Variants in DGKB observed in about 807,000 individuals in gnomAD.
DGKB encodes the protein 90 kDa diacylglycerol kinase.
DGKB carries 67 observed loss-of-function variants against 114.3 expected under a neutral mutation model. The observed-to-expected ratio is 0.59, with a 90% CI of 0.48 to 0.72. The LOEUF (loss-of-function observed/expected upper bound fraction) is 0.72, where lower values mean the gene tolerates loss of function less well. Ranked by LOEUF, DGKB falls within the 30% of genes least tolerant of loss-of-function variation. DGKB has a pLI of 0.00. For missense variants in DGKB, 907 were observed against 975.2 expected, an observed-to-expected ratio of 0.93 and a Z score of 0.93; for synonymous variants, 398 against 323.1, an observed-to-expected ratio of 1.23 and a Z score of -2.49.
chr7:14,778,357 T>A (rs999351679), intron 2 of DGKB, among the ~76,000 whole-genome samples: 1 of 146,688 alleles, frequency 6.8e-6, no homozygotes, highest in Admixed American at 6.8e-5. Flanking sequence ...TGTTTTCTTG[T>A]TTTTTTTTCA....
At chr7:14,231,127 C>CTTTCTTTCTTT (rs766348040) in intron 23 of DGKB, among the ~76,000 whole-genome samples, 7 of 125,184 alleles carry the variant, frequency 5.6e-5, no homozygotes, top group South Asian at 2.6e-4. Context: ...TTCTTTCTTT[C>CTTTCTTTCTTT]TTTCTTTCTT....
At chr7:14,330,880 A>C (rs1185036792) in intron 23 of DGKB, among the ~76,000 whole-genome samples, 1 of 152,034 alleles carries the variant, frequency 6.6e-6, no homozygotes, top group Non-Finnish European at 1.5e-5. Context: ...AGCCAAACAA[A>C]GGATAAGAGT....
At chr7:14,493,659 G>T (rs1441323138) in intron 20 of DGKB, among the ~76,000 whole-genome samples, 2 of 152,012 alleles carry the variant, frequency 1.3e-5, no homozygotes, top group African/African-American at 2.4e-5. Context: ...TCAAGACCTG[G>T]GTGGGGAGGT....
intron 17 of DGKB, among the ~76,000 whole-genome samples, chr7:14,604,259 T>G (rs1463927073): frequency 6.6e-6 from 1 of 152,114 alleles, no homozygotes; most frequent in East Asian, 1.9e-4. Flanking sequence ...CATTTCTGTT[T>G]TAAAAACAAT....
intron 10 of DGKB, among the ~76,000 whole-genome samples, 152 bp from the exon 11 acceptor site, chr7:14,682,993 T>A (rs1027279153): frequency 1.3e-5 from 2 of 152,120 alleles, no homozygotes; most frequent in South Asian, 4.1e-4. Context: ...AAGTCGACTG[T>A]TTTTACCATG....
Position 14,841,373 on chromosome 7 carries a change from C to CA in DGKB, c.-111_-110insT. The CA allele has an allele frequency of 2.3e-6, 2 of 873,184 alleles. No homozygotes were observed. The highest frequency in any genetic ancestry group is 2.9e-5 in the Admixed American group (1 of 34,900). 54.1% of individuals were successfully genotyped at this position (873,184 alleles called of 1,614,324 possible). On this transcript the variant is annotated 5_prime_UTR_variant, in exon 2 of 26. Coordinates refer to ENST00000402815, the MANE Select transcript of DGKB (RefSeq NM_001350709.2). ...ACATGGCATGTTTCATGATAAAATA[C>CA]CTCAGGCTTTCAAAATATGCAATCT...
At chr7:14,605,028 C>T (rs1278454330) in intron 17 of DGKB, among the ~76,000 whole-genome samples, 1 of 152,014 alleles carries the variant, frequency 6.6e-6, no homozygotes, top group Non-Finnish European at 1.5e-5. Context: ...ATATTTTCAG[C>T]CAGGCAATTC....
chr7:14,530,365 T>G (rs1487150152), intron 20 of DGKB, among the ~76,000 whole-genome samples: 1 of 151,598 alleles, frequency 6.6e-6, no homozygotes, highest in Non-Finnish European at 1.5e-5. Flanking sequence ...TCATTCTGTA[T>G]ATACAATAAC....
intron 23 of DGKB, among the ~76,000 whole-genome samples, chr7:14,256,609 T>G (rs904496841): frequency 2.6e-5 from 4 of 152,222 alleles, no homozygotes; most frequent in South Asian, 2.1e-4. Flanking sequence ...TTACTCAGGT[T>G]GTTATGATAG....
intron 1 of DGKB, among the ~76,000 whole-genome samples, chr7:14,878,557 A>G (rs781484746): frequency 2.0e-5 from 3 of 152,076 alleles, no homozygotes; most frequent in Non-Finnish European, 4.4e-5. Context: ...CATCCTGGCT[A>G]ACATGGTGAA....
At chr7:14,307,368 G>T (rs1420917107) in intron 23 of DGKB, among the ~76,000 whole-genome samples, 1 of 152,132 alleles carries the variant, frequency 6.6e-6, no homozygotes, top group Admixed American at 6.6e-5. Flanking sequence ...GGTGTTATAA[G>T]CTTTCATCCA....
At chr7:14,702,264 T>C (rs759922246) in intron 6 of DGKB, among the ~76,000 whole-genome samples, 36 of 152,098 alleles carry the variant, frequency 2.4e-4, no homozygotes, top group Non-Finnish European at 2.6e-4. Context: ...ATGTAAGCCA[T>C]AGATCATGAT....
At chr7:14,728,562 C>T (rs968334979) in intron 5 of DGKB, among the ~76,000 whole-genome samples, 5 of 152,228 alleles carry the variant, frequency 3.3e-5, no homozygotes, top group East Asian at 3.9e-4. Flanking sequence ...AGGCCATGCC[C>T]GATACTTACA....
intron 23 of DGKB, among the ~76,000 whole-genome samples, chr7:14,302,147 T>C (rs77050220): frequency 0.012 from 1,867 of 152,222 alleles, 38 homozygotes; most frequent in African/African-American, 0.042. Flanking sequence ...AGTTATTTTA[T>C]TTATTTCAAC....
At chr7:14,319,087 T>A (rs912564751) in intron 23 of DGKB, among the ~76,000 whole-genome samples, 4 of 138,116 alleles carry the variant, frequency 2.9e-5, no homozygotes, top group Non-Finnish European at 6.1e-5. Context: ...AATTGAACAA[T>A]GAGATCACAT....
chr7:14,595,900 A>G (rs991700442), intron 17 of DGKB, among the ~76,000 whole-genome samples: 6 of 152,116 alleles, frequency 3.9e-5, no homozygotes, highest in South Asian at 4.1e-4. Flanking sequence ...AATTTTTAGT[A>G]TTATTGTTAA....
intron 23 of DGKB, among the ~76,000 whole-genome samples, chr7:14,269,919 C>T (rs1173159233): frequency 6.6e-6 from 1 of 151,820 alleles, no homozygotes; most frequent in Non-Finnish European, 1.5e-5. Flanking sequence ...AAGCCTGTAA[C>T]ACTTCATAAA....
chr7:14,618,765 G>A (rs1448403197), intron 15 of DGKB, among the ~76,000 whole-genome samples: 1 of 151,462 alleles, frequency 6.6e-6, no homozygotes, highest in African/African-American at 2.4e-5. Context: ...TGGTTAGCTG[G>A]AAAGAAATAA....
At chr7:14,871,241 A>G (rs1852407843) in intron 1 of DGKB, among the ~76,000 whole-genome samples, 1 of 152,166 alleles carries the variant, frequency 6.6e-6, no homozygotes, top group Non-Finnish European at 1.5e-5. Context: ...TATATGTATC[A>G]TTTCTTTGTA....
Sources: gnomAD v4.1 joint callset for allele counts (sites outside exome capture counted in the v4.1 genomes callset) on GRCh38, gnomAD v4.1.1 for gene constraint, MANE v1.5 for transcripts, NCBI Gene and HGNC (gene_info 2026-07-23, HGNC 2026-07-21) for gene names.